PCDHGB6: variants seen among roughly 807,000 people sequenced by gnomAD.
The protein encoded by PCDHGB6 is protocadherin gamma-B6.
A neutral mutation model predicts 59.1 loss-of-function variants in PCDHGB6; 51 were observed. That is an observed-to-expected ratio of 0.86 (90% CI 0.69 to 1.09). PCDHGB6 has a LOEUF of 1.09. PCDHGB6 is among the 50% of genes least tolerant of loss of function. PCDHGB6 has a pLI of 0.00. For synonymous variants in PCDHGB6, 466 were observed against 495.1 expected (o/e 0.94, Z 0.78); for missense variants, 1,148 against 1,205.1 (o/e 0.95, Z 0.70).
rs143252334 is a variant in PCDHGB6 at position 141,431,395 on chromosome 5, T to A, written c.2418+20775T>A. On this transcript the variant is annotated intron_variant, in intron 1 of 3. Transcript: ENST00000520790. The surrounding 1 kb of genome is among the most constrained non-coding windows in gnomAD (Gnocchi z 4.8). ...AAAAGGCTGCTCACCACCTGGTCCT[T>A]ACGGCCTCCGACGGGGGCGACCCGG... 2 of 1,613,720 alleles carry A rather than the reference T, an allele frequency of 1.2e-6. No individual in the cohort carries two copies. Among genetic ancestry groups the A allele is most frequent in the African/African-American group, 2.7e-5 (2 of 74,950 alleles).
chr5:141,411,573 GA>G (rs2095500797), intron 1 of PCDHGB6: 1 of 152,244 alleles, frequency 6.6e-6, no homozygotes, highest in Middle Eastern at 3.4e-3. Flanking sequence ...GACAGAGTGC[GA>G]CCCTGTCTCT....
At position 141,491,318 on chromosome 5, in the gene PCDHGB6, A is replaced by C; in HGVS notation, c.2419-3489A>C. The C allele has an allele frequency of 6.2e-7, 1 of 1,613,862 alleles. No individual in the cohort carries two copies. The highest frequency in any genetic ancestry group is 8.5e-7 in the Non-Finnish European group (1 of 1,179,916). On this transcript the variant is annotated intron_variant, in intron 1 of 3. Transcript: ENST00000520790. The surrounding 1 kb of genome is among the most constrained non-coding windows in gnomAD (Gnocchi z 6.9). ...CCTGAGCGTTCAGACCTTACCCTTT[A>C]CCTCATTGTGGCTCTAGCGACCGTC...
intron 1 of PCDHGB6, among the ~76,000 whole-genome samples, chr5:141,443,873 T>A (rs1250320938): frequency 6.6e-6 from 1 of 152,100 alleles, no homozygotes; most frequent in Non-Finnish European, 1.5e-5. Context: ...AAATTACTGA[T>A]AAGTCAAGAG....
chr5:141,422,800 C>A (rs1470748782), intron 1 of PCDHGB6: 1 of 1,614,094 alleles, frequency 6.2e-7, no homozygotes, highest in Non-Finnish European at 8.5e-7. Flanking sequence ...CGACTATGAG[C>A]AGTTTCGAGA....
intron 2 of PCDHGB6, among the ~76,000 whole-genome samples, chr5:141,502,759 C>T (rs535899844): frequency 9.9e-5 from 15 of 152,130 alleles, no homozygotes; most frequent in African/African-American, 3.6e-4. Context: ...CATGTATTTG[C>T]TGGTATTCTT....
intron 1 of PCDHGB6, among the ~76,000 whole-genome samples, chr5:141,488,497 C>CA (rs1415483796): frequency 4.6e-5 from 7 of 152,204 alleles, no homozygotes; most frequent in African/African-American, 1.7e-4. Flanking sequence ...CTGTAACACT[C>CA]ATTCCACATT....
chr5:141,433,122 G>C (rs1442464320), intron 1 of PCDHGB6: 1 of 1,614,134 alleles, frequency 6.2e-7, no homozygotes, highest in Admixed American at 1.7e-5. Flanking sequence ...TTTGAAAAAA[G>C]CGAGCCCCTT....
At chr5:141,457,532 T>C (rs2098923599) in intron 1 of PCDHGB6, among the ~76,000 whole-genome samples, 1 of 152,058 alleles carries the variant, frequency 6.6e-6, no homozygotes, top group Admixed American at 6.6e-5. Flanking sequence ...GAGACTAGGG[T>C]TTAATGACAA....
At position 141,498,794 on chromosome 5, in the gene PCDHGB6, G is replaced by A. The variant is rs184257963; in HGVS notation, c.2477+3929G>A. ...TAAAAATACAAAATATTAGCCAGGT[G>A]TGGTGGTGCACACCTGTAGTCCCAG... On this transcript the variant is annotated intron_variant, in intron 2 of 3. Transcript: ENST00000520790. Among the ~76,000 whole-genome samples the A allele has an allele frequency of 7.9e-5, 12 of 152,224 alleles. No individual in the cohort carries two copies. The East Asian group carries it at 2.3e-3, about 30-fold the overall frequency.
intron 1 of PCDHGB6, chr5:141,422,606 C>A: frequency 6.2e-7 from 1 of 1,613,904 alleles, no homozygotes; most frequent in Non-Finnish European, 8.5e-7. Context: ...TCTTACTCTG[C>A]CTACATTCCC....
chr5:141,419,435 C>T, intron 1 of PCDHGB6: 1 of 1,613,226 alleles, frequency 6.2e-7, no homozygotes, highest in Non-Finnish European at 8.5e-7. Context: ...CGAGCAGCTG[C>T]GCACCTTCGA....
At chr5:141,412,057 T>C (rs1426056647) in intron 1 of PCDHGB6, 1 of 152,202 alleles carries the variant, frequency 6.6e-6, no homozygotes, top group Non-Finnish European at 1.5e-5. Flanking sequence ...TCTATACCCT[T>C]TGCATTTGAG....
At position 141,414,686 on chromosome 5, in the gene PCDHGB6, C is replaced by A. The variant is rs201724090; in HGVS notation, c.2418+4066C>A. On this transcript the variant is annotated intron_variant, in intron 1 of 3. Coordinates refer to ENST00000520790, the MANE Select transcript of PCDHGB6 (RefSeq NM_018926.3). ...GCTGAAGACACCATCCAGGGGGTAC[C>A]TCTGTCCTCATACATATCCATCAAC... 57 of 1,613,924 alleles carry A rather than the reference C, an allele frequency of 3.5e-5. No homozygotes were observed. The highest frequency in any genetic ancestry group is 1.6e-4 in the Middle Eastern group (1 of 6,084).
rs1199756501 is a variant in PCDHGB6 at position 141,493,222 on chromosome 5, C to A, written c.2419-1585C>A. Among the ~76,000 whole-genome samples the A allele has an allele frequency of 6.6e-6, 1 of 152,194 alleles. No individual in the cohort carries two copies. Among genetic ancestry groups the A allele is most frequent in the East Asian group, 1.9e-4 (1 of 5,196 alleles). ...ACCTCATCTCATTTGCTCTTCCCAC[C>A]ATTGCTGTTGGCTAGGTACTAACAT... On this transcript the variant is annotated intron_variant, in intron 1 of 3. Coordinates refer to ENST00000520790, the MANE Select transcript of PCDHGB6 (RefSeq NM_018926.3). This position sits in a 1 kb window ranked among gnomAD's most constrained non-coding sequence, Gnocchi z 4.3.
Position 141,408,702 on chromosome 5 carries a change from T to C in PCDHGB6, c.500T>C (p.Ile167Thr), listed in dbSNP as rs769871063. 3.7e-6 allele frequency: 6 copies of C among 1,613,208 alleles called. No individual in the cohort carries two copies. Among genetic ancestry groups the C allele is most frequent in the South Asian group, 3.3e-5 (3 of 91,012 alleles). ...GATCCTGATATAAACATAAACTCAA[T>C]TAAAGATTATAAGATAAACTCTAAT... is the stretch of plus-strand genomic sequence containing the variant. ...ATDPDININS[I>T]KDYKINSNPY... The change falls in exon 1 of 4, where the codon ATT becomes ACT. Residue 167 changes from isoleucine to threonine, a missense_variant. Around this residue, in one of 5 missense-constraint regions of PCDHGB6, gnomAD observed 307 missense variants for 323.8 expected, o/e 0.95. Transcript: ENST00000520790.
In PCDHGB6 at chr5:141,491,778, C is replaced by T. The variant is rs568710854; in HGVS notation, c.2419-3029C>T. 3.1e-4 allele frequency: 482 copies of T among 1,547,678 alleles called. No homozygotes were observed. The highest frequency in any genetic ancestry group is 2.2e-3 in the Middle Eastern group (13 of 5,890). On this transcript the variant is annotated intron_variant, in intron 1 of 3. Transcript: ENST00000520790. This position sits in a 1 kb window ranked among gnomAD's most constrained non-coding sequence, Gnocchi z 6.9. Reference sequence around the variant, plus strand: ...CCGCCCGTCCTCATAAGGGATTGAACTTGCATCCACTCCTCTCCGGCCGGC... The same window carrying T: ...CCGCCCGTCCTCATAAGGGATTGAATTTGCATCCACTCCTCTCCGGCCGGC...
chr5:141,459,300 A>T (rs954766370), intron 1 of PCDHGB6, among the ~76,000 whole-genome samples: 1 of 152,202 alleles, frequency 6.6e-6, no homozygotes, highest in Non-Finnish European at 1.5e-5. Flanking sequence ...ATCCTATAAC[A>T]TATACTATTT....
chr5:141,411,536 A>G (rs1333872781), intron 1 of PCDHGB6: 1 of 152,248 alleles, frequency 6.6e-6, no homozygotes, highest in Admixed American at 6.5e-5. Context: ...GTGAGCCCTG[A>G]TCTTGCCACT....
intron 3 of PCDHGB6, among the ~76,000 whole-genome samples, chr5:141,509,056 G>A (rs1303823294): frequency 1.3e-5 from 2 of 152,178 alleles, no homozygotes; most frequent in Admixed American, 6.5e-5. Context: ...CCCCCAGAAA[G>A]CTCTCAGCTC....
Sources: allele counts gnomAD v4.1 joint callset (sites outside exome capture counted in the v4.1 genomes callset), GRCh38; gene constraint gnomAD v4.1.1; regional missense constraint gnomAD v4.1.1; non-coding constraint Gnocchi (gnomAD v3.1); transcripts MANE v1.5; gene names NCBI Gene and HGNC (gene_info 2026-07-23, HGNC 2026-07-21).